The following CORO1C variants were observed in gnomAD, a reference collection of about 807,000 sequenced individuals.
CORO1C encodes coronin 1C.
In CORO1C, 14 loss-of-function variants were observed where a neutral mutation model predicts 51.2. The ratio of observed to expected loss-of-function variants is 0.27; its 90% confidence interval spans 0.18 to 0.43. The LOEUF is 0.43. Among genes scored for constraint, CORO1C ranks in the 20% least tolerant of loss-of-function variants. The pLI, the probability that CORO1C is intolerant of heterozygous loss-of-function variation, is 1.00. For missense variants in CORO1C, 417 were observed against 607.8 expected, an observed-to-expected ratio of 0.69 and a Z score of 3.30; for synonymous variants, 181 against 210.5, an observed-to-expected ratio of 0.86 and a Z score of 1.21.
intron 2 of CORO1C, among the ~76,000 whole-genome samples, chr12:108,685,671 C>CAG (rs142408726): frequency 0.075 from 11,371 of 152,036 alleles, 624 homozygotes; most frequent in East Asian, 0.31. Context: ...ATCAGAAACA[C>CAG]AGTTAATAAA....
At position 108,645,437 on chromosome 12, in the gene CORO1C, G is replaced by A. The variant is rs1048060998; in HGVS notation, c.*1966C>T. 2 of 152,060 alleles carry A rather than the reference G, an allele frequency of 1.3e-5. No homozygotes were observed. Among genetic ancestry groups the A allele is most frequent in the Non-Finnish European group, 2.9e-5 (2 of 68,024 alleles). 9.4% of individuals were successfully genotyped at this position (152,060 alleles called of 1,614,324 possible). On this transcript the variant is annotated 3_prime_UTR_variant, in exon 11 of 11. Coordinates refer to ENST00000261401, the MANE Select transcript of CORO1C (RefSeq NM_014325.4). The stretch of plus-strand genomic sequence containing the variant: ...ATCAACAACTTTACTTCATTAATTC[G>A]ATATCAGAACCTTAAAACACTACTG...
chr12:108,727,753 C>T (rs968528248), intron 1 of CORO1C, among the ~76,000 whole-genome samples: 1 of 152,064 alleles, frequency 6.6e-6, no homozygotes, highest in Non-Finnish European at 1.5e-5. Flanking sequence ...TGGAAATCAT[C>T]AAAATTTAAA....
intron 2 of CORO1C, among the ~76,000 whole-genome samples, chr12:108,690,028 A>G (rs573249863): frequency 6.6e-6 from 1 of 152,246 alleles, no homozygotes; most frequent in East Asian, 1.9e-4. Context: ...TGACAGTATT[A>G]TTTATGTGGA....
At chr12:108,651,189 CG>C (rs2032634178) in intron 8 of CORO1C, among the ~76,000 whole-genome samples, 1 of 152,158 alleles carries the variant, frequency 6.6e-6, no homozygotes, top group Admixed American at 6.5e-5. Context: ...ATTTGGAAGA[CG>C]TAAGTATCAA....
intron 6 of CORO1C, among the ~76,000 whole-genome samples, chr12:108,654,755 T>G (rs1259142363): frequency 6.6e-6 from 1 of 151,820 alleles, no homozygotes; most frequent in Non-Finnish European, 1.5e-5. Context: ...CAGGCTGGAG[T>G]GCAGTAGTGC....
At chr12:108,669,732 T>C (rs2033643925) in intron 3 of CORO1C, among the ~76,000 whole-genome samples, 1 of 150,594 alleles carries the variant, frequency 6.6e-6, no homozygotes, top group Non-Finnish European at 1.5e-5. Flanking sequence ...CCATTTGATC[T>C]ATAATACAGT....
chr12:108,675,145 A>C (rs1231787462), intron 3 of CORO1C, among the ~76,000 whole-genome samples: 1 of 152,180 alleles, frequency 6.6e-6, no homozygotes, highest in African/African-American at 2.4e-5. Context: ...CAGCAAAAAG[A>C]TTACACTCTC....
chr12:108,697,934 G>C (rs1032390476), intron 2 of CORO1C, among the ~76,000 whole-genome samples: 1 of 152,190 alleles, frequency 6.6e-6, no homozygotes, highest in Non-Finnish European at 1.5e-5. Context: ...TTATAAGGTA[G>C]ACATCAAGAA....
chr12:108,714,302 T>C (rs557563720), intron 1 of CORO1C, among the ~76,000 whole-genome samples: 5 of 150,604 alleles, frequency 3.3e-5, no homozygotes, highest in African/African-American at 9.8e-5. Flanking sequence ...GGCAGGAGAA[T>C]TGCTTGAACC....
chr12:108,655,362 C>T (rs572265197), intron 6 of CORO1C, among the ~76,000 whole-genome samples: 1 of 149,586 alleles, frequency 6.7e-6, no homozygotes, highest in Admixed American at 6.6e-5. Context: ...CTCCCCTTCC[C>T]CCTCCCCCTC....
chr12:108,693,122 C>A (rs953834736), intron 2 of CORO1C, among the ~76,000 whole-genome samples: 1 of 151,878 alleles, frequency 6.6e-6, no homozygotes, highest in East Asian at 1.9e-4. Flanking sequence ...ATATCCTCCC[C>A]CCTAAAGAAA....
intron 4 of CORO1C, among the ~76,000 whole-genome samples, chr12:108,660,451 C>CAA (rs139334112): frequency 4.0e-4 from 35 of 87,364 alleles, no homozygotes; most frequent in African/African-American, 4.7e-4. Flanking sequence ...AACTCCATCT[C>CAA]AAAAAAAAAA....
chr12:108,702,830 A>G lies in CORO1C; in HGVS notation c.-5-1507T>C, dbSNP rs898975367. On this transcript the variant is annotated intron_variant, in intron 1 of 10. Transcript: ENST00000261401. ...GCATGTGTGAAAGTGGCCTCTCTCC[A>G]ATGCTGGGGGCATGTAGCCGGGCTG... 3.9e-6 allele frequency: 6 copies of G among 1,534,650 alleles called. No homozygotes were observed. The African/African-American group carries it at 6.9e-5, about 18-fold the overall frequency.
intron 4 of CORO1C, 92 bp from the exon 5 acceptor site, chr12:108,659,011 G>T: frequency 7.8e-7 from 1 of 1,288,854 alleles, no homozygotes; most frequent in Non-Finnish European, 1.1e-6. Context: ...ATACACATAT[G>T]TATATGCAGA....
At position 108,695,778 on chromosome 12, in the gene CORO1C, T is replaced by C. The variant is rs2034652936; in HGVS notation, c.195+5346A>G. On this transcript the variant is annotated intron_variant, in intron 2 of 10. Transcript: ENST00000261401. ...AAATTAAAGTCCTAATGCTCTAATATATGCTATTATAGGCAATGAGCTCTT... is the reference window on the plus strand; with the variant it reads ...AAATTAAAGTCCTAATGCTCTAATACATGCTATTATAGGCAATGAGCTCTT... Among the ~76,000 whole-genome samples, 3 of 148,336 alleles carry C rather than the reference T, an allele frequency of 2.0e-5. No individual in the cohort carries two copies. In the South Asian group the frequency reaches 6.3e-4, roughly 31 times the overall value.
Position 108,658,833 on chromosome 12 carries a change from T to G in CORO1C, c.535A>C (p.Asn179His). Residue 179 changes from asparagine (N) to histidine (H), a missense_variant, in exon 5 of 11, where the codon AAT (asparagine) becomes CAT (histidine). Transcript: ENST00000261401. The surrounding 1 kb of genome is among the most constrained non-coding windows in gnomAD (Gnocchi z 4.9). The stretch of plus-strand genomic sequence containing the variant: ...CTGCCATTCCGGTTCCAGCTCACAT[T>G]GTAAATCATGTCTGAATGCATATCG... ...LDDMHSDMIYNVSWNRNGSLI... is the reference protein window; with the variant it reads ...LDDMHSDMIYHVSWNRNGSLI... 6.2e-7 allele frequency: 1 copy of G among 1,614,016 alleles called. No individual in the cohort carries two copies. Among genetic ancestry groups the G allele is most frequent in the Non-Finnish European group, 8.5e-7 (1 of 1,179,846 alleles).
chr12:108,719,016 T>A (rs1469826331), intron 1 of CORO1C, among the ~76,000 whole-genome samples: 2 of 152,204 alleles, frequency 1.3e-5, no homozygotes, highest in African/African-American at 2.4e-5. Flanking sequence ...GGGCTAAATA[T>A]TCTAAGAGCA....
chr12:108,658,323 A>C lies in CORO1C; in HGVS notation c.630+415T>G, dbSNP rs181824716. ...GGCCTCCCAAAGTGCTGGGATTACA[A>C]GTGTGAGCCACCATGCCCGGCCACC... On this transcript the variant is annotated intron_variant, in intron 5 of 10. Transcript: ENST00000261401. This position sits in a 1 kb window ranked among gnomAD's most constrained non-coding sequence, Gnocchi z 4.9. Among the ~76,000 whole-genome samples the C allele has an allele frequency of 6.6e-6, 1 of 152,248 alleles. No individual in the cohort carries two copies. Among genetic ancestry groups the C allele is most frequent in the Non-Finnish European group, 1.5e-5 (1 of 67,984 alleles).
intron 2 of CORO1C, among the ~76,000 whole-genome samples, chr12:108,689,538 A>G (rs2034424178): frequency 6.6e-6 from 1 of 152,102 alleles, no homozygotes. Context: ...ATCTAATCCA[A>G]CTCAGGCAGC....
Sources: allele counts gnomAD v4.1 joint callset (sites outside exome capture counted in the v4.1 genomes callset), GRCh38; gene constraint gnomAD v4.1.1; non-coding constraint Gnocchi (gnomAD v3.1); transcripts MANE v1.5; gene names NCBI Gene and HGNC (gene_info 2026-07-23, HGNC 2026-07-21).